Variants in ZNF532 observed in about 807,000 individuals in gnomAD.
ZNF532 encodes zinc finger protein 532.
A neutral mutation model predicts 89.3 loss-of-function variants in ZNF532; 22 were observed. That is an observed-to-expected ratio of 0.25 (90% CI 0.18 to 0.35). The LOEUF is 0.35. Among genes scored for constraint, ZNF532 ranks in the 10% least tolerant of loss-of-function variants. ZNF532 has a pLI of 1.00. For synonymous variants in ZNF532, 606 were observed against 649.6 expected (o/e 0.93, Z 1.02); for missense variants, 1,132 against 1,643.4 (o/e 0.69, Z 5.38).
chr18:58,906,146 C>T (rs1334769573), intron 2 of ZNF532, among the ~76,000 whole-genome samples: 1 of 152,158 alleles, frequency 6.6e-6, no homozygotes, highest in East Asian at 1.9e-4. Flanking sequence ...GCTTTTTTCT[C>T]CCCTTTCCGT....
intron 7 of ZNF532, among the ~76,000 whole-genome samples, chr18:58,975,701 T>G (rs1198288275): frequency 6.6e-6 from 1 of 152,250 alleles, no homozygotes; most frequent in Non-Finnish European, 1.5e-5. Context: ...GTTTAGGAAG[T>G]GTACCCAAGT....
At chr18:58,951,804 C>T (rs2064223889) in intron 6 of ZNF532, among the ~76,000 whole-genome samples, 1 of 152,048 alleles carries the variant, frequency 6.6e-6, no homozygotes, top group African/African-American at 2.4e-5. Flanking sequence ...CACCTGCCAC[C>T]ATGCACGGCT....
chr18:58,969,831 T>G (rs574429237), intron 7 of ZNF532, among the ~76,000 whole-genome samples: 1 of 151,988 alleles, frequency 6.6e-6, no homozygotes, highest in African/African-American at 2.4e-5. Context: ...TATGTAAGTC[T>G]TCAAGCGGTA....
intron 6 of ZNF532, among the ~76,000 whole-genome samples, chr18:58,952,570 A>C (rs533929945): frequency 8.3e-4 from 126 of 152,108 alleles, no homozygotes; most frequent in African/African-American, 3.0e-3. Context: ...ATGCCCGAGT[A>C]ATTTATTAAT....
intron 9 of ZNF532, among the ~76,000 whole-genome samples, chr18:58,983,605 C>A (rs1187866205): frequency 2.0e-5 from 3 of 152,070 alleles, no homozygotes; most frequent in Non-Finnish European, 2.9e-5. Context: ...ATATACCCCC[C>A]CCTTGCTTCC....
At chr18:58,872,993 C>T (rs192458317) in intron 2 of ZNF532, among the ~76,000 whole-genome samples, 15 of 152,208 alleles carry the variant, frequency 9.9e-5, no homozygotes, top group Admixed American at 5.2e-4. Context: ...CCAACACACC[C>T]GGCCTAAAAT....
At chr18:58,939,267 A>AG (rs1555737242) in intron 4 of ZNF532, among the ~76,000 whole-genome samples, 178 bp from the exon 5 acceptor site, 2 of 149,950 alleles carry the variant, frequency 1.3e-5, no homozygotes, top group African/African-American at 4.9e-5. Flanking sequence ...AAAAAAAAAA[A>AG]AAAAAAAACC....
intron 2 of ZNF532, among the ~76,000 whole-genome samples, chr18:58,912,509 C>T (rs1400011267): frequency 1.3e-5 from 2 of 152,116 alleles, no homozygotes; most frequent in Non-Finnish European, 2.9e-5. Context: ...ATCAGGGTGC[C>T]CAGCAGTGCT....
chr18:58,975,457 A>AAGTT (rs1389008850), intron 7 of ZNF532, among the ~76,000 whole-genome samples: 1 of 152,182 alleles, frequency 6.6e-6, no homozygotes, highest in Non-Finnish European at 1.5e-5. Flanking sequence ...CAGAAAGGAC[A>AAGTT]AGTTATTAGA....
intron 7 of ZNF532, among the ~76,000 whole-genome samples, chr18:58,961,283 T>C (rs2065321688): frequency 6.6e-6 from 1 of 152,222 alleles, no homozygotes; most frequent in Non-Finnish European, 1.5e-5. Context: ...TGGCTTAGTC[T>C]GAGTGGCAGT....
chr18:58,886,765 C>T (rs904395118), intron 2 of ZNF532, among the ~76,000 whole-genome samples: 1 of 152,170 alleles, frequency 6.6e-6, no homozygotes, highest in Non-Finnish European at 1.5e-5. Flanking sequence ...AAAACATTGC[C>T]TCTATGCCCT....
At chr18:58,869,119 G>A (rs1052519250) in intron 2 of ZNF532, among the ~76,000 whole-genome samples, 2 of 152,170 alleles carry the variant, frequency 1.3e-5, no homozygotes, top group African/African-American at 4.8e-5. Context: ...GGCCATTGTT[G>A]ACCAAAATGT....
chr18:58,965,722 C>T (rs2065854534), intron 7 of ZNF532, among the ~76,000 whole-genome samples: 1 of 152,226 alleles, frequency 6.6e-6, no homozygotes, highest in Non-Finnish European at 1.5e-5. Context: ...CTTGCAGTTG[C>T]TGTTAACAGC....
intron 2 of ZNF532, among the ~76,000 whole-genome samples, chr18:58,886,253 T>G (rs1291566635): frequency 6.6e-6 from 1 of 152,234 alleles, no homozygotes; most frequent in African/African-American, 2.4e-5. Context: ...AGTGCTGAGA[T>G]TACAGGCGTG....
At chr18:58,916,804 C>T (rs1253708753) in intron 2 of ZNF532, 2 of 827,214 alleles carry the variant, frequency 2.4e-6, no homozygotes, top group African/African-American at 3.7e-5. Context: ...CATGTGTATT[C>T]TCACTGAGTA....
intron 2 of ZNF532, among the ~76,000 whole-genome samples, chr18:58,913,563 C>CA (rs2060412642): frequency 6.6e-6 from 1 of 151,314 alleles, no homozygotes. Flanking sequence ...CCAGCTTGGA[C>CA]AACATAGTGA....
chr18:58,891,345 C>T (rs1354058902), intron 2 of ZNF532, among the ~76,000 whole-genome samples: 3 of 152,168 alleles, frequency 2.0e-5, no homozygotes, highest in African/African-American at 7.2e-5. Flanking sequence ...GCTTGGCCAA[C>T]ATGGCGAAAC....
intron 7 of ZNF532, among the ~76,000 whole-genome samples, chr18:58,962,890 C>T (rs546359004): frequency 9.9e-5 from 15 of 151,900 alleles, no homozygotes; most frequent in South Asian, 2.1e-4. Context: ...CGTGAGCCAC[C>T]GCACCCAGCC....
At chr18:58,932,092 C>T (rs923309673) in intron 3 of ZNF532, among the ~76,000 whole-genome samples, 2 of 152,280 alleles carry the variant, frequency 1.3e-5, no homozygotes, top group East Asian at 1.9e-4. Flanking sequence ...TAGTGTCCAG[C>T]GTGATTCCCC....
Sources: allele counts gnomAD v4.1 joint callset (sites outside exome capture counted in the v4.1 genomes callset), GRCh38; gene constraint gnomAD v4.1.1; transcripts MANE v1.5; gene names NCBI Gene and HGNC (gene_info 2026-07-23, HGNC 2026-07-21).